The following DYNC2I1 variants were observed in gnomAD, a reference collection of about 807,000 sequenced individuals.
DYNC2I1 encodes the protein cytoplasmic dynein 2 intermediate chain 1.
A neutral mutation model predicts 133.4 loss-of-function variants in DYNC2I1; 89 were observed. The observed-to-expected ratio is 0.67, with a 90% confidence interval of 0.56 to 0.80. The LOEUF is 0.80. DYNC2I1 is among the 30% of genes least tolerant of loss of function. The probability of loss-of-function intolerance (pLI) is 0.00; values close to 1 mark genes in which losing one functional copy is unlikely to be tolerated. For missense variants in DYNC2I1, 1,291 were observed against 1,314.5 expected, an observed-to-expected ratio of 0.98 and a Z score of 0.28; for synonymous variants, 504 against 484.3, an observed-to-expected ratio of 1.04 and a Z score of -0.54.
At position 158,871,546 on chromosome 7, in the gene DYNC2I1, G is replaced by C; in HGVS notation, c.474G>C (p.Glu158Asp). ...TRDRQLLERA[E>D]RKGRSVSKVR... ...ACCGGCAGCTCCTGGAGCGGGCGGAGAGGAAAGGCCGCTCAGGTGGGTCCC... is the reference window on the plus strand; with the variant it reads ...ACCGGCAGCTCCTGGAGCGGGCGGACAGGAAAGGCCGCTCAGGTGGGTCCC... The change falls in exon 3 of 25, where the codon GAG (glutamate) becomes GAC (aspartate). Residue 158 changes from glutamate to aspartate, a missense_variant. Coordinates refer to ENST00000407559, the MANE Select transcript of DYNC2I1 (RefSeq NM_018051.5). 1 of 1,538,718 alleles carries C rather than the reference G, an allele frequency of 6.5e-7. No homozygotes were observed. Among genetic ancestry groups the C allele is most frequent in the South Asian group, 1.2e-5 (1 of 83,666 alleles).
chr7:158,905,912 T>C (rs1846757193), intron 10 of DYNC2I1, 77 bp from the exon 11 acceptor site: 6 of 1,114,650 alleles, frequency 5.4e-6, no homozygotes, highest in Non-Finnish European at 2.6e-6. Context: ...TGCCTATAAT[T>C]GTTTTACTCC....
At chr7:158,952,715 G>GT (rs1563221498) in intron 4 of DYNC2I1, among the ~76,000 whole-genome samples, 1 of 135,830 alleles carries the variant, frequency 7.4e-6, no homozygotes, top group East Asian at 2.1e-4. Context: ...CAGCCGCATC[G>GT]TAAGACAGAG....
At chr7:158,926,144 A>G (rs1331181117) in intron 17 of DYNC2I1, 43 bp from the exon 18 acceptor site, 1 of 1,476,536 alleles carries the variant, frequency 6.8e-7, no homozygotes, top group Non-Finnish European at 9.4e-7. Flanking sequence ...CATTTCTTCA[A>G]CTTACTACTT....
rs529898022 is a variant in DYNC2I1 at position 158,930,597 on chromosome 7, T to C, written c.2546+82T>C. The C allele has an allele frequency of 2.4e-4, 282 of 1,159,878 alleles. 1 individual carries two copies. The African/African-American group carries it at 4.0e-3, about 16-fold the overall frequency. The allele number at this position is 1,159,878 out of a possible 1,614,324, so 71.8% of individuals were successfully genotyped here. A position where few individuals can be genotyped will look rare whatever the true frequency, so the allele number is the denominator to read the frequency against. ...ATTGGGGAATTGCATATACGGTAAA[T>C]GGTGAGCTTTTGCGATGAAGAAGTC... On this transcript the variant is annotated intron_variant, in intron 21 of 24. Transcript: ENST00000407559.
At chr7:158,845,158 T>C in the DYNC2I1 span, among the ~76,000 whole-genome samples, 1 of 152,144 alleles carries the variant, frequency 6.6e-6, no homozygotes, top group Non-Finnish European at 1.5e-5. Context: ...TTTATTGTTG[T>C]TGTTGTTTTA....
At chr7:158,935,923 G>A (rs1850707910) in intron 23 of DYNC2I1, among the ~76,000 whole-genome samples, 1 of 152,134 alleles carries the variant, frequency 6.6e-6, no homozygotes, top group South Asian at 2.1e-4. Flanking sequence ...AAGTTATCTG[G>A]GCACGGTGGC....
intron 15 of DYNC2I1, among the ~76,000 whole-genome samples, chr7:158,919,894 C>T (rs1013471031): frequency 6.6e-6 from 1 of 152,168 alleles, no homozygotes; most frequent in African/African-American, 2.4e-5. Context: ...CCCAGGGAGC[C>T]GACACTGAGC....
intron 3 of DYNC2I1, among the ~76,000 whole-genome samples, chr7:158,872,725 A>C (rs756738655): frequency 1.1e-4 from 16 of 150,078 alleles, no homozygotes; most frequent in Admixed American, 8.6e-4. Flanking sequence ...GGCCAGGCAC[A>C]GTGCCTCATG....
intron 13 of DYNC2I1, 30 bp from the exon 14 acceptor site, chr7:158,914,203 C>G: frequency 6.4e-7 from 1 of 1,569,892 alleles, no homozygotes; most frequent in Non-Finnish European, 8.7e-7. Flanking sequence ...GAGTCGACTT[C>G]GTTGATTTTA....
chr7:158,856,701 G>C lies in DYNC2I1; in HGVS notation c.-35G>C, dbSNP rs1291308332. On this transcript the variant is annotated 5_prime_UTR_variant, in exon 1 of 25. Coordinates refer to ENST00000407559, the MANE Select transcript of DYNC2I1 (RefSeq NM_018051.5). ...GGGTGGACCGCGCCTGGCCGGGGCC[G>C]AGGACACCGCGGCCGCCCGGGCCTG... 4 of 1,232,714 alleles carry C rather than the reference G, an allele frequency of 3.2e-6. No homozygotes were observed. Among genetic ancestry groups the C allele is most frequent in the Non-Finnish European group, 4.1e-6 (4 of 986,982 alleles). 76.4% of individuals were successfully genotyped at this position (1,232,714 alleles called of 1,614,324 possible). A position where few individuals can be genotyped will look rare whatever the true frequency, so the allele number is the denominator to read the frequency against.
chr7:158,930,611 G>A (rs1181681840), intron 21 of DYNC2I1, 96 bp downstream of exon 21: 9 of 940,670 alleles, frequency 9.6e-6, no homozygotes, highest in South Asian at 1.6e-5. Flanking sequence ...GAGCTTTTGC[G>A]ATGAAGAAGT....
the DYNC2I1 span, among the ~76,000 whole-genome samples, chr7:158,849,714 C>T: frequency 6.6e-6 from 1 of 152,216 alleles, no homozygotes; most frequent in Non-Finnish European, 1.5e-5. Flanking sequence ...GAGGGTGGCT[C>T]CTCTCTGCTG....
intron 15 of DYNC2I1, 84 bp downstream of exon 15, chr7:158,918,953 T>C (rs540023140): frequency 9.3e-7 from 1 of 1,072,118 alleles, no homozygotes; most frequent in African/African-American, 2.3e-5. Context: ...TAATATTTTA[T>C]TTTAATGTGA....
chr7:158,871,649 C>G (rs768576860), intron 3 of DYNC2I1, 87 bp downstream of exon 3: 3 of 1,358,738 alleles, frequency 2.2e-6, no homozygotes, highest in Non-Finnish European at 2.9e-6. Flanking sequence ...CCTCCCCTCC[C>G]TCTCTCCCCC....
At chr7:158,908,820 A>G (rs1055494030) in intron 11 of DYNC2I1, among the ~76,000 whole-genome samples, 1 of 152,168 alleles carries the variant, frequency 6.6e-6, no homozygotes, top group South Asian at 2.1e-4. Flanking sequence ...GGCTCAAGGT[A>G]GAGAGGTAGA....
upstream of DYNC2I1, among the ~76,000 whole-genome samples, chr7:158,852,677 T>C (rs2129475188): frequency 6.6e-6 from 1 of 152,196 alleles, no homozygotes; most frequent in African/African-American, 2.4e-5. Context: ...AGGCGGAGGT[T>C]GCAGTGAGCT....
chr7:158,882,165 G>T (rs1347056946), intron 5 of DYNC2I1, among the ~76,000 whole-genome samples: 1 of 152,184 alleles, frequency 6.6e-6, no homozygotes, highest in Non-Finnish European at 1.5e-5. Context: ...TATCTGAGTG[G>T]CTTGTATGCT....
chr7:158,860,653 AG>A (rs1303669582), intron 1 of DYNC2I1, among the ~76,000 whole-genome samples: 1 of 152,234 alleles, frequency 6.6e-6, no homozygotes, highest in African/African-American at 2.4e-5. Flanking sequence ...TGAAAATTTT[AG>A]AAATTTCTAA....
At chr7:158,951,931 C>G (rs1419038432) in intron 4 of DYNC2I1, among the ~76,000 whole-genome samples, 1 of 152,192 alleles carries the variant, frequency 6.6e-6, no homozygotes, top group East Asian at 1.9e-4. Context: ...TGTTGACACC[C>G]CCTGGGAATA....
Sources: gnomAD v4.1 joint callset for allele counts (sites outside exome capture counted in the v4.1 genomes callset) on GRCh38, gnomAD v4.1.1 for gene constraint, MANE v1.5 for transcripts, NCBI Gene and HGNC (gene_info 2026-07-23, HGNC 2026-07-21) for gene names.